PPP4R3A: variants seen among roughly 807,000 people sequenced by gnomAD.
PPP4R3A encodes the protein serine/threonine-protein phosphatase 4 regulatory subunit 3A.
Under a neutral mutation model 91.7 loss-of-function variants are expected in PPP4R3A, and 15 were observed. That is an observed-to-expected ratio of 0.16 (90% CI 0.11 to 0.25). The LOEUF is 0.25. Ranked by LOEUF, PPP4R3A falls within the 10% of genes least tolerant of loss-of-function variation. The probability of loss-of-function intolerance (pLI) is 1.00; values close to 1 mark genes in which losing one functional copy is unlikely to be tolerated. For missense variants in PPP4R3A, 623 were observed against 998.4 expected (o/e 0.62, Z 5.07); for synonymous variants, 377 against 348.7 (o/e 1.08, Z -0.91).
intron 14 of PPP4R3A, among the ~76,000 whole-genome samples, chr14:91,459,503 A>G (rs1450815148): frequency 1.3e-5 from 2 of 151,778 alleles, no homozygotes; most frequent in African/African-American, 4.8e-5. Flanking sequence ...ATAGCATCTT[A>G]AAATTTTTTT....
Position 91,509,664 on chromosome 14 carries a change from C to A in PPP4R3A, c.-17G>T. On this transcript the variant is annotated 5_prime_UTR_variant, in exon 1 of 15. Coordinates refer to ENST00000554943, the MANE Select transcript of PPP4R3A (RefSeq NM_001366432.2). The stretch of plus-strand genomic sequence containing the variant: ...GTCGGTCATCGTGCCGCCCGGGAAC[C>A]GGGGCGGGGGCCCCGCCAGTAGACG... 1 of 1,583,424 alleles carries A rather than the reference C, an allele frequency of 6.3e-7. No homozygotes were observed. The highest frequency in any genetic ancestry group is 2.3e-5 in the East Asian group (1 of 43,992).
intron 1 of PPP4R3A, among the ~76,000 whole-genome samples, chr14:91,499,252 G>A (rs529769758): frequency 9.2e-5 from 14 of 151,866 alleles, no homozygotes; most frequent in South Asian, 2.1e-4. Flanking sequence ...GCGACAGAGC[G>A]AGACCCTGTG....
At chr14:91,507,568 A>G (rs1165010413) in intron 1 of PPP4R3A, among the ~76,000 whole-genome samples, 13 of 100,706 alleles carry the variant, frequency 1.3e-4, no homozygotes, top group African/African-American at 3.2e-4. Context: ...TATACTATAT[A>G]TTATACATAC....
chr14:91,505,387 T>C (rs951008135), intron 1 of PPP4R3A, among the ~76,000 whole-genome samples: 4 of 151,410 alleles, frequency 2.6e-5, no homozygotes, highest in South Asian at 2.1e-4. Context: ...AAGGTGGAGG[T>C]TGCAGTGAGC....
intron 1 of PPP4R3A, among the ~76,000 whole-genome samples, chr14:91,498,367 ACT>A (rs1207265533): frequency 6.6e-6 from 1 of 151,884 alleles, no homozygotes; most frequent in East Asian, 1.9e-4. Flanking sequence ...TTCTCATTAA[ACT>A]CTTATTTTAG....
chr14:91,492,990 C>G (rs1398570899), intron 1 of PPP4R3A, among the ~76,000 whole-genome samples: 1 of 152,108 alleles, frequency 6.6e-6, no homozygotes, highest in East Asian at 1.9e-4. Context: ...CTTTGGGAAG[C>G]TGAGGTGGGA....
intron 12 of PPP4R3A, among the ~76,000 whole-genome samples, 200 bp from the exon 13 acceptor site, chr14:91,462,439 G>A (rs1888216823): frequency 6.6e-6 from 1 of 151,014 alleles, no homozygotes; most frequent in South Asian, 2.1e-4. Context: ...TAAATTCAAA[G>A]CAAGTAATAT....
In PPP4R3A at chr14:91,475,979, A is replaced by AG; in HGVS notation, c.1111-14_1111-13insC. 6.6e-7 allele frequency: 1 copy of AG among 1,523,560 alleles called. No individual in the cohort carries two copies. The highest frequency in any genetic ancestry group is 8.7e-7 in the Non-Finnish European group (1 of 1,143,944). The allele number at this position is 1,523,560 out of a possible 1,614,324, so 94.4% of individuals were successfully genotyped here. On this transcript the variant is annotated splice_polypyrimidine_tract_variant and intron_variant, in intron 6 of 14. Transcript: ENST00000554943. The stretch of plus-strand genomic sequence containing the variant: ...TATCATCCATGCCCTGCAGACAAAA[A>AG]ACATTTATTTTTCCTGTATTTATAA...
chr14:91,490,814 A>C lies in PPP4R3A; in HGVS notation c.143-12T>G, dbSNP rs1334713515. 2 of 1,599,030 alleles carry C rather than the reference A, an allele frequency of 1.3e-6. No homozygotes were observed. Among genetic ancestry groups the C allele is most frequent in the Admixed American group, 3.4e-5 (2 of 58,906 alleles). ...TAAAAGTAGAGAACCTAGGAAACAG[A>C]AAAAGACATTCCATTATGTTACTGT... On this transcript the variant is annotated splice_polypyrimidine_tract_variant and intron_variant, in intron 1 of 14. Coordinates refer to ENST00000554943, the MANE Select transcript of PPP4R3A (RefSeq NM_001366432.2).
At chr14:91,473,543 A>G (rs1208180522) in intron 7 of PPP4R3A, among the ~76,000 whole-genome samples, 173 bp from the exon 8 acceptor site, 2 of 152,196 alleles carry the variant, frequency 1.3e-5, no homozygotes, top group Non-Finnish European at 2.9e-5. Context: ...TCATTCCCTA[A>G]AGTGTGGTAC....
intron 1 of PPP4R3A, among the ~76,000 whole-genome samples, chr14:91,504,706 G>A (rs1415457961): frequency 6.6e-6 from 1 of 152,136 alleles, no homozygotes; most frequent in East Asian, 1.9e-4. Context: ...AATGGGCCCA[G>A]AAGCTTAGTG....
At chr14:91,509,041 CAAAA>C (rs1424710237) in intron 1 of PPP4R3A, among the ~76,000 whole-genome samples, 1 of 152,008 alleles carries the variant, frequency 6.6e-6, no homozygotes, top group African/African-American at 2.4e-5. Flanking sequence ...AAAAGAAAAA[CAAAA>C]AAAGCACAGC....
intron 10 of PPP4R3A, among the ~76,000 whole-genome samples, chr14:91,465,756 G>GA (rs1356684331): frequency 3.3e-5 from 5 of 152,138 alleles, no homozygotes; most frequent in South Asian, 2.1e-4. Context: ...TACTTAAGAT[G>GA]AAAAAATTCA....
At position 91,509,910 on chromosome 14, in the gene PPP4R3A, G is replaced by A. The variant is rs952866026; in HGVS notation, c.-263C>T. 9.4e-7 allele frequency: 1 copy of A among 1,060,746 alleles called. No homozygotes were observed. Among genetic ancestry groups the A allele is most frequent in the Non-Finnish European group, 1.1e-6 (1 of 880,206 alleles). The allele number at this position is 1,060,746 out of a possible 1,614,324, so 65.7% of individuals were successfully genotyped here. ...AGCCCGGCGCCCGGCAGCCCCGAGG[G>A]GGCCGCGCAGCGCTTCGTAGCCTCC... is the stretch of plus-strand genomic sequence containing the variant. On this transcript the variant is annotated 5_prime_UTR_variant, in exon 1 of 15. Coordinates refer to ENST00000554943, the MANE Select transcript of PPP4R3A (RefSeq NM_001366432.2).
At chr14:91,507,526 GT>G (rs1441504908) in intron 1 of PPP4R3A, among the ~76,000 whole-genome samples, 82 of 126,396 alleles carry the variant, frequency 6.5e-4, no homozygotes, top group African/African-American at 2.4e-3. Context: ...ATATACTATA[GT>G]TATATATACT....
intron 1 of PPP4R3A, among the ~76,000 whole-genome samples, chr14:91,508,179 C>T (rs1891531960): frequency 6.6e-6 from 1 of 152,044 alleles, no homozygotes; most frequent in African/African-American, 2.4e-5. Flanking sequence ...AAAAATACAC[C>T]CAACATTCAA....
intron 2 of PPP4R3A, among the ~76,000 whole-genome samples, chr14:91,487,645 G>A (rs1889977285): frequency 6.6e-6 from 1 of 152,164 alleles, no homozygotes; most frequent in South Asian, 2.1e-4. Flanking sequence ...CTAGCTTAAG[G>A]TACCTTTAAG....
chr14:91,475,350 A>G (rs974683843), intron 7 of PPP4R3A: 6 of 163,182 alleles, frequency 3.7e-5, no homozygotes, highest in Admixed American at 3.6e-4. Context: ...AGTGTTTGTG[A>G]ACAACGTAAC....
chr14:91,506,419 G>C lies in PPP4R3A; in HGVS notation c.142+3087C>G, dbSNP rs149480035. On this transcript the variant is annotated intron_variant, in intron 1 of 14. Transcript: ENST00000554943. ...TCAATATAAGTAAACTGCTAAAAGA[G>C]TTTGGCACATAGTAGGTAGTCAGTA... is the stretch of plus-strand genomic sequence containing the variant. Among the ~76,000 whole-genome samples the C allele has an allele frequency of 1.1e-3, 167 of 152,296 alleles. 1 individual carries two copies. The highest frequency in any genetic ancestry group is 6.8e-3 in the Middle Eastern group (2 of 294).
Sources: gnomAD v4.1 joint callset for allele counts (sites outside exome capture counted in the v4.1 genomes callset) on GRCh38, gnomAD v4.1.1 for gene constraint, MANE v1.5 for transcripts, NCBI Gene and HGNC (gene_info 2026-07-23, HGNC 2026-07-21) for gene names.